Variants in TBL1Y observed in about 807,000 individuals in gnomAD.
TBL1Y encodes the protein transducin beta like 1 Y-linked.
In TBL1Y, 15 loss-of-function variants were observed where a neutral mutation model predicts 12.0. The observed-to-expected ratio is 1.25, with a 90% CI of 0.83 to 1.92. TBL1Y has a LOEUF of 1.92. TBL1Y is among the 40% of genes most tolerant of loss of function. TBL1Y has a pLI of 0.00. For synonymous variants in TBL1Y, 53 were observed against 42.6 expected (o/e 1.24, Z -0.95); for missense variants, 148 against 116.7 (o/e 1.27, Z -1.24).
At chrY:6,920,523 G>A (rs766144231) in intron 2 of TBL1Y, 1 of 33,912 alleles carries the variant, frequency 2.9e-5, no homozygotes, top group African/African-American at 1.1e-4. Context: ...TCATAATGTC[G>A]CTTTCTGTGA....
intron 2 of TBL1Y, among the ~76,000 whole-genome samples, chrY:6,938,893 T>C (rs2011923203): frequency 3.0e-5 from 1 of 33,829 alleles, no homozygotes; most frequent in Non-Finnish European, 7.3e-5. Flanking sequence ...TGTTTGTTCC[T>C]CCCTGTGGGT....
intron 7 of TBL1Y, among the ~76,000 whole-genome samples, chrY:7,054,804 C>T: frequency 1.2e-4 from 4 of 33,943 alleles, no homozygotes; most frequent in East Asian, 8.0e-4. Flanking sequence ...CTGTGACCCA[C>T]GGCTTCTAAT....
At chrY:7,067,247 G>C in intron 8 of TBL1Y, among the ~76,000 whole-genome samples, 1 of 33,322 alleles carries the variant, frequency 3.0e-5, no homozygotes, top group Non-Finnish European at 7.4e-5. Context: ...TGGGAGAATC[G>C]CTTGAGCCTA....
At chrY:6,919,647 ACT>A (rs2011762701) in intron 2 of TBL1Y, 1 of 32,711 alleles carries the variant, frequency 3.1e-5, no homozygotes, top group East Asian at 8.1e-4. Flanking sequence ...CGGTCGAAAC[ACT>A]CTCTGTCTCC....
At chrY:6,949,262 A>T in intron 2 of TBL1Y, among the ~76,000 whole-genome samples, 1 of 33,917 alleles carries the variant, frequency 2.9e-5, no homozygotes, top group Non-Finnish European at 7.3e-5. Context: ...ACTTCAAATA[A>T]GAAATTAAAT....
At chrY:7,021,164 A>G in intron 4 of TBL1Y, among the ~76,000 whole-genome samples, 1 of 33,698 alleles carries the variant, frequency 3.0e-5, no homozygotes, top group Non-Finnish European at 7.3e-5. Flanking sequence ...ATATAATAGC[A>G]GTAGCAATAG....
intron 2 of TBL1Y, among the ~76,000 whole-genome samples, chrY:6,963,331 A>G (rs2012144991): frequency 1.2e-4 from 4 of 33,161 alleles, no homozygotes; most frequent in African/African-American, 4.7e-4. Flanking sequence ...CTGAATAGTA[A>G]CTGTACACAC....
chrY:6,923,421 TGATA>T (rs2011796426), intron 2 of TBL1Y, among the ~76,000 whole-genome samples: 2 of 34,043 alleles, frequency 5.9e-5, no homozygotes, highest in Non-Finnish European at 7.3e-5. Context: ...CTGAATTGCC[TGATA>T]GATAGGAATT....
chrY:6,941,538 C>G, intron 2 of TBL1Y, among the ~76,000 whole-genome samples: 3 of 33,279 alleles, frequency 9.0e-5, no homozygotes, highest in Non-Finnish European at 7.4e-5. Flanking sequence ...CAAAACAAAA[C>G]AAAACAGCAG....
intron 3 of TBL1Y, among the ~76,000 whole-genome samples, chrY:6,978,989 T>C (rs2012264720): frequency 6.2e-5 from 2 of 32,223 alleles, no homozygotes; most frequent in Non-Finnish European, 1.5e-4. Flanking sequence ...GGCTGGAGTG[T>C]AGTGGCATGA....
At position 7,063,961 on chromosome Y, in the gene TBL1Y, A is replaced by G; in HGVS notation, c.269A>G (p.Asp90Gly). ...SLSLIVAVIP[D>G]VVQMRQQAFG... is the part of the protein sequence containing the mutation. ...TCCCTGATAGTTGCTGTGATTCCTG[A>G]TGTGGTGCAGATGCGGCAGCAGGCA... The change falls in exon 8 of 19, where the codon GAT (aspartate) becomes GGT (glycine). Residue 90 changes from aspartate to glycine, a missense_variant. Transcript: ENST00000383032. 2.5e-6 allele frequency: 1 copy of G among 395,798 alleles called. No individual in the cohort carries two copies. The highest frequency in any genetic ancestry group is 3.5e-6 in the Non-Finnish European group (1 of 282,907).
At chrY:7,003,311 T>C (rs2012463782) in intron 4 of TBL1Y, among the ~76,000 whole-genome samples, 1 of 33,785 alleles carries the variant, frequency 3.0e-5, no homozygotes. Context: ...CCAAATATCA[T>C]TGGACATATG....
chrY:7,060,259 G>GT (rs2012852152), intron 7 of TBL1Y, among the ~76,000 whole-genome samples: 1 of 32,662 alleles, frequency 3.1e-5, no homozygotes, highest in Non-Finnish European at 7.5e-5. Context: ...CACATAAACT[G>GT]TTTTTTCTGT....
intron 5 of TBL1Y, among the ~76,000 whole-genome samples, chrY:7,023,110 A>G: frequency 3.3e-5 from 1 of 30,213 alleles, no homozygotes; most frequent in Non-Finnish European, 7.8e-5. Flanking sequence ...GTGGCCTTTC[A>G]TACCTTATGC....
At chrY:7,008,407 A>T in intron 4 of TBL1Y, among the ~76,000 whole-genome samples, 2 of 32,585 alleles carry the variant, frequency 6.1e-5, no homozygotes, top group Admixed American at 2.9e-4. Flanking sequence ...GATTAAACTC[A>T]TGTAACATGA....
chrY:7,032,386 C>A, intron 6 of TBL1Y, among the ~76,000 whole-genome samples: 8 of 31,208 alleles, frequency 2.6e-4, no homozygotes, highest in Non-Finnish European at 1.6e-4. Flanking sequence ...TGTGTAGATG[C>A]GTTAAGTTTA....
chrY:6,950,694 A>G (rs2012018149), intron 2 of TBL1Y, among the ~76,000 whole-genome samples: 17 of 33,433 alleles, frequency 5.1e-4, no homozygotes, highest in Admixed American at 8.2e-4. Flanking sequence ...AGATACTACC[A>G]TAAGATCTCT....
At chrY:7,018,833 C>A in intron 4 of TBL1Y, among the ~76,000 whole-genome samples, 2 of 33,470 alleles carry the variant, frequency 6.0e-5, no homozygotes. Context: ...GAGGAGCAGG[C>A]CTGGTGGAAT....
chrY:7,022,264 A>T (rs766621988), intron 5 of TBL1Y, among the ~76,000 whole-genome samples: 67 of 29,267 alleles, frequency 2.3e-3, no homozygotes, highest in South Asian at 4.6e-3. Flanking sequence ...TTTTTTTTTT[A>T]AAACTATAGA....
Sources: gnomAD v4.1 joint callset for allele counts (sites outside exome capture counted in the v4.1 genomes callset) on GRCh38, gnomAD v4.1.1 for gene constraint, MANE v1.5 for transcripts, NCBI Gene and HGNC (gene_info 2026-07-23, HGNC 2026-07-21) for gene names.